TLE2: variants seen among roughly 807,000 people sequenced by gnomAD.
TLE2 encodes TLE family member 2, transcriptional corepressor.
Under a neutral mutation model 97.2 loss-of-function variants are expected in TLE2, and 74 were observed. That is an observed-to-expected ratio of 0.76 (90% confidence interval 0.63 to 0.92). The LOEUF (loss-of-function observed/expected upper bound fraction) is 0.92, where lower values mean the gene tolerates loss of function less well. Ranked by LOEUF, TLE2 falls within the 40% of genes least tolerant of loss-of-function variation. The pLI, the probability that TLE2 is intolerant of heterozygous loss-of-function variation, is 0.00. For missense variants in TLE2, 1,038 were observed against 1,008.7 expected (o/e 1.03, Z -0.39); for synonymous variants, 499 against 432.1 (o/e 1.15, Z -1.92).
chr19:3,032,734 CAG>C (rs1242887650), upstream of TLE2, among the ~76,000 whole-genome samples: 1 of 152,082 alleles, frequency 6.6e-6, no homozygotes, highest in Non-Finnish European at 1.5e-5. The surrounding 1 kb of genome is among the most constrained non-coding windows in gnomAD (Gnocchi z 4.1). Flanking sequence ...TTCTCACAAA[CAG>C]GGAGCGCCAT....
At chr19:3,006,920 T>C (rs1397829417) in intron 14 of TLE2, among the ~76,000 whole-genome samples, 1 of 152,060 alleles carries the variant, frequency 6.6e-6, no homozygotes, top group Non-Finnish European at 1.5e-5. Flanking sequence ...GTAGCTGGGA[T>C]TACAGGCATG....
At chr19:3,046,379 G>T (rs1014120099), upstream of TLE2, among the ~76,000 whole-genome samples, 8 of 152,226 alleles carry the variant, frequency 5.3e-5, no homozygotes, top group Non-Finnish European at 8.8e-5. Flanking sequence ...TGTCTAATGC[G>T]TCCTAGCTTT....
intron 5 of TLE2, among the ~76,000 whole-genome samples, chr19:3,020,979 C>T (rs937250490): frequency 6.7e-6 from 1 of 150,314 alleles, no homozygotes; most frequent in Non-Finnish European, 1.5e-5. Context: ...ATACCAGCTA[C>T]TCGTGAGGCT....
chr19:3,019,283 C>T lies in TLE2; in HGVS notation c.550G>A (p.Val184Met), dbSNP rs1382673783. The T allele has an allele frequency of 1.9e-6, 3 of 1,573,524 alleles. No individual in the cohort carries two copies. Among genetic ancestry groups the T allele is most frequent in the African/African-American group, 1.3e-5 (1 of 74,124 alleles). ...ATGCCACCCCGTGCTGCCCACTCAC[C>T]TCTGGACCCCTCGGCCTCCACGCCC... ...RAGVEAEGSR[V>M]ERAPSRSASP... The change falls in exon 7 of 20, where the codon GTG becomes ATG. Residue 184 changes from valine (V) to methionine (M), a missense_variant and splice_region_variant. By Grantham distance (21) the Val-to-Met change is conservative. Transcript: ENST00000262953. The surrounding 1 kb of genome is among the most constrained non-coding windows in gnomAD (Gnocchi z 5.1).
chr19:3,046,080 G>T (rs553610941), upstream of TLE2, among the ~76,000 whole-genome samples: 2 of 152,258 alleles, frequency 1.3e-5, no homozygotes, highest in South Asian at 2.1e-4. Flanking sequence ...AATTAGTCTG[G>T]TTGCCCCTAG....
intron 1 of TLE2, among the ~76,000 whole-genome samples, chr19:3,037,419 GA>G (rs2090070746): frequency 6.6e-6 from 1 of 152,274 alleles, no homozygotes; most frequent in Non-Finnish European, 1.5e-5. Context: ...GTGGACAGAA[GA>G]AAGATGGGGC....
At chr19:3,001,488 GA>G (rs892453879) in intron 18 of TLE2, among the ~76,000 whole-genome samples, 1 of 151,840 alleles carries the variant, frequency 6.6e-6, no homozygotes, top group African/African-American at 2.4e-5. Flanking sequence ...ACTAATGAAT[GA>G]TTTTTTTTTA....
At chr19:3,028,444 G>A in intron 2 of TLE2, 62 bp from the exon 3 acceptor site, 1 of 1,495,034 alleles carries the variant, frequency 6.7e-7, no homozygotes, top group South Asian at 1.3e-5. Flanking sequence ...CTTCCAAAGT[G>A]AGAGGCTGGA....
intron 5 of TLE2, 112 bp downstream of exon 5, chr19:3,024,908 G>C (rs905886076): frequency 1.1e-6 from 1 of 910,498 alleles, no homozygotes; most frequent in African/African-American, 1.7e-5. Flanking sequence ...CTCTATCCGT[G>C]CTGCAGGCTA....
At chr19:3,017,942 C>A (rs1228673437) in intron 7 of TLE2, 83 bp from the exon 8 acceptor site, 27 of 1,385,508 alleles carry the variant, frequency 1.9e-5, no homozygotes, top group Non-Finnish European at 2.6e-5. Context: ...GTACAGCCCT[C>A]CAGTTTATAA....
In TLE2 at chr19:3,028,725, G is replaced by A. The variant is rs1453704429; in HGVS notation, c.103C>T (p.Leu35Phe). Residue 35 changes from leucine to phenylalanine, a missense_variant, in exon 2 of 20, where the codon CTT becomes TTT. By Grantham distance (22) the Leu-to-Phe change is conservative. Coordinates refer to ENST00000262953, the MANE Select transcript of TLE2 (RefSeq NM_003260.5). ...CDRIKEEFQF[L>F]QAQYHSLKLE... ...CCTCACCTGTGGTATTGAGCCTGAA[G>A]AAACTGGAATTCTTCTTTGATGCGG... 3.7e-6 allele frequency: 6 copies of A among 1,612,854 alleles called. No homozygotes were observed. The highest frequency in any genetic ancestry group is 2.7e-5 in the African/African-American group (2 of 74,912).
At chr19:3,043,749 G>A (rs2090122292) in intron 1 of TLE2, among the ~76,000 whole-genome samples, 1 of 151,850 alleles carries the variant, frequency 6.6e-6, no homozygotes, top group Non-Finnish European at 1.5e-5. Flanking sequence ...GGTGGAGCTT[G>A]CAGTGAGCCA....
chr19:3,009,557 G>C lies in TLE2; in HGVS notation c.1158C>G (p.Tyr386Ter). 1.2e-6 allele frequency: 2 copies of C among 1,611,434 alleles called. No homozygotes were observed. Among genetic ancestry groups the C allele is most frequent in the Non-Finnish European group, 1.7e-6 (2 of 1,178,960 alleles). ...AAGGACTCACCACGGGGGAGCGTCC[G>C]TACACCACAGAGCTGCTGACCTGGG... is the stretch of plus-strand genomic sequence containing the variant. ...LSPQVSSSVV[Y>*]GRSPVMAFES... is the part of the protein sequence containing the mutation. Residue 386 changes from tyrosine (Y) to a stop codon, truncating the protein, a stop_gained, in exon 13 of 20, where the codon TAC becomes TAG. Transcript: ENST00000262953. LOFTEE classifies it high-confidence loss of function.
In TLE2 at chr19:3,009,525, C is replaced by T. The variant is rs1329038984; in HGVS notation, c.1173+17G>A. The T allele has an allele frequency of 6.4e-7, 1 of 1,573,772 alleles. No homozygotes were observed. Among genetic ancestry groups the T allele is most frequent in the Non-Finnish European group, 8.6e-7 (1 of 1,160,662 alleles). The stretch of plus-strand genomic sequence containing the variant: ...GGGCCCTGCTGACACCTCCTGCGCC[C>T]CCACCCAAGGACTCACCACGGGGGA... On this transcript the variant is annotated intron_variant, in intron 13 of 19. Transcript: ENST00000262953.
chr19:3,028,642 G>C (rs1479778447), intron 2 of TLE2, 64 bp downstream of exon 2: 1 of 1,498,666 alleles, frequency 6.7e-7, no homozygotes, highest in Non-Finnish European at 9.2e-7. Context: ...CCTATACCCC[G>C]GAGGCCTCGC....
chr19:3,015,178 T>C (rs2089676434), intron 9 of TLE2, among the ~76,000 whole-genome samples: 1 of 151,606 alleles, frequency 6.6e-6, no homozygotes. Context: ...GCTGCCCCTG[T>C]AGGTGGGAGA....
Position 3,002,332 on chromosome 19 carries a change from AC to A in TLE2, c.2047+20del. ...TTTGTTGGGGTTTTGAGGGCGTGCC[AC>A]CCCGCCCCAGAAGACACACCGCAGG... On this transcript the variant is annotated intron_variant, in intron 18 of 19. Transcript: ENST00000262953. 1 of 1,587,550 alleles carries A rather than the reference AC, an allele frequency of 6.3e-7. No homozygotes were observed. The highest frequency in any genetic ancestry group is 8.6e-7 in the Non-Finnish European group (1 of 1,165,070).
chr19:3,023,628 C>T (rs1013226064), intron 5 of TLE2, among the ~76,000 whole-genome samples: 4 of 152,054 alleles, frequency 2.6e-5, no homozygotes, highest in African/African-American at 9.7e-5. Flanking sequence ...GGTACAGTGG[C>T]TCACACCTGT....
At chr19:3,025,498 G>A (rs977401798) in intron 4 of TLE2, 4 of 1,007,192 alleles carry the variant, frequency 4.0e-6, no homozygotes, top group Admixed American at 5.9e-5. Context: ...CTTGGCCCAC[G>A]TCTGTCCCAG....
Sources: allele counts gnomAD v4.1 joint callset (sites outside exome capture counted in the v4.1 genomes callset), GRCh38; gene constraint gnomAD v4.1.1; non-coding constraint Gnocchi (gnomAD v3.1); transcripts MANE v1.5; gene names NCBI Gene and HGNC (gene_info 2026-07-23, HGNC 2026-07-21).